The following SCAPER variants were observed in gnomAD, a reference collection of about 807,000 sequenced individuals.
The protein encoded by SCAPER is S phase cyclin A-associated protein in the endoplasmic reticulum.
In SCAPER, 98 loss-of-function variants were observed where a neutral mutation model predicts 182.2. The ratio of observed to expected loss-of-function variants is 0.54; its 90% CI spans 0.46 to 0.64. SCAPER has a LOEUF of 0.64. Ranked by LOEUF, SCAPER falls within the 30% of genes least tolerant of loss-of-function variation. The pLI is 0.00. For synonymous variants in SCAPER, 605 were observed against 564.6 expected, an observed-to-expected ratio of 1.07 and a Z score of -1.01; for missense variants, 1,432 against 1,690.0, an observed-to-expected ratio of 0.85 and a Z score of 2.68.
intron 25 of SCAPER, among the ~76,000 whole-genome samples, chr15:76,460,121 T>C (rs2049047002): frequency 6.6e-6 from 1 of 152,022 alleles, no homozygotes; most frequent in African/African-American, 2.4e-5. Flanking sequence ...ATGAAATTGG[T>C]GTTTTGATAG....
chr15:76,483,933 G>A (rs1206196356), intron 24 of SCAPER, among the ~76,000 whole-genome samples: 1 of 152,066 alleles, frequency 6.6e-6, no homozygotes, highest in Non-Finnish European at 1.5e-5. Context: ...AAGACAGTTT[G>A]GTAGTTCTTT....
intron 14 of SCAPER, among the ~76,000 whole-genome samples, chr15:76,761,637 G>A (rs145867140): frequency 4.6e-5 from 7 of 152,022 alleles, no homozygotes; most frequent in African/African-American, 9.6e-5. Flanking sequence ...ATTCCACTGC[G>A]GTCTAAAAGA....
chr15:76,790,652 A>G (rs2064943711), intron 8 of SCAPER, among the ~76,000 whole-genome samples: 1 of 152,094 alleles, frequency 6.6e-6, no homozygotes, highest in Non-Finnish European at 1.5e-5. Context: ...GATTCCTGCT[A>G]TTACTCCTTG....
chr15:76,607,696 C>A (rs1388994120), intron 22 of SCAPER, among the ~76,000 whole-genome samples: 3 of 152,212 alleles, frequency 2.0e-5, no homozygotes, highest in Non-Finnish European at 4.4e-5. Context: ...TCCCATATTT[C>A]TTGGAAGCTT....
In SCAPER at chr15:76,354,236, T is replaced by C; in HGVS notation, c.3856-96A>G. On this transcript the variant is annotated intron_variant, in intron 29 of 31. Coordinates refer to ENST00000563290, the MANE Select transcript of SCAPER (RefSeq NM_020843.4). The surrounding 1 kb of genome is among the most constrained non-coding windows in gnomAD (Gnocchi z 4.4). ...TCGGCTAGTACCATGGAAAACATGC[T>C]GAAGGAGTGTAAAGAAAAAGACTCC... 3.5e-6 allele frequency: 4 copies of C among 1,145,704 alleles called. No homozygotes were observed. The highest frequency in any genetic ancestry group is 3.6e-6 in the Non-Finnish European group (3 of 828,956). The allele number at this position is 1,145,704 out of a possible 1,614,324, so 71.0% of individuals were successfully genotyped here.
chr15:76,903,248 C>T (rs1305609823), intron 1 of SCAPER, among the ~76,000 whole-genome samples: 1 of 152,142 alleles, frequency 6.6e-6, no homozygotes, highest in Non-Finnish European at 1.5e-5. Flanking sequence ...ATACTATATC[C>T]TTTGGACCAG....
chr15:76,627,299 T>C (rs750304528), intron 21 of SCAPER, among the ~76,000 whole-genome samples: 16 of 152,212 alleles, frequency 1.1e-4, no homozygotes, highest in Non-Finnish European at 1.9e-4. Context: ...AAAAATAGTA[T>C]ATTGTAAGTG....
chr15:76,829,902 G>A (rs2068306453), intron 5 of SCAPER, among the ~76,000 whole-genome samples: 2 of 152,122 alleles, frequency 1.3e-5, no homozygotes, highest in Admixed American at 1.3e-4. Context: ...TAGAAAGGGA[G>A]ACAGATATTA....
chr15:76,438,169 C>G (rs1027151633), intron 25 of SCAPER, among the ~76,000 whole-genome samples: 2 of 151,634 alleles, frequency 1.3e-5, no homozygotes, highest in African/African-American at 4.8e-5. Flanking sequence ...GTAATCCCAG[C>G]TCCTCGGGAG....
chr15:76,800,292 A>G lies in SCAPER; in HGVS notation c.567T>C (p.Asp189=). The change falls in exon 7 of 32, where the codon GAT becomes GAC. Residue 189 remains aspartate (D), a synonymous_variant. Coordinates refer to ENST00000563290, the MANE Select transcript of SCAPER (RefSeq NM_020843.4). ...GRHVIPSPST[D]RINVTSNARR... is the part of the protein sequence containing the mutation. Reference sequence around the variant, plus strand: ...GAGCATTTGATGTTACATTTATTCTATCTGTTGATGGACTTGGAATCACAT... The same window carrying G: ...GAGCATTTGATGTTACATTTATTCTGTCTGTTGATGGACTTGGAATCACAT... The G allele has an allele frequency of 6.2e-6, 10 of 1,613,394 alleles. No homozygotes were observed. The highest frequency in any genetic ancestry group is 8.5e-6 in the Non-Finnish European group (10 of 1,179,676).
intron 2 of SCAPER, among the ~76,000 whole-genome samples, chr15:76,875,823 G>A (rs942003431): frequency 6.6e-6 from 1 of 152,212 alleles, no homozygotes; most frequent in Non-Finnish European, 1.5e-5. Flanking sequence ...AGGCAGTGTG[G>A]ACCCAAAGAG....
intron 26 of SCAPER, among the ~76,000 whole-genome samples, chr15:76,431,676 CAAAAAAAAAAAAAAA>C (rs60675828): frequency 1.1e-4 from 5 of 47,128 alleles, no homozygotes; most frequent in African/African-American, 4.9e-4. Context: ...AAATGATTAG[CAAAAAAAAAAAAAAA>C]AAAAAAAAAA....
At chr15:76,637,782 GTGTGTGTGTGT>G (rs2053760454) in intron 21 of SCAPER, among the ~76,000 whole-genome samples, 1 of 136,188 alleles carries the variant, frequency 7.3e-6, no homozygotes, top group South Asian at 2.2e-4. Context: ...GTGTGTGTGT[GTGTGTGTGTGT>G]GTGTGTATGT....
At chr15:76,449,984 TC>T (rs1475609216) in intron 25 of SCAPER, among the ~76,000 whole-genome samples, 6 of 152,294 alleles carry the variant, frequency 3.9e-5, no homozygotes, top group Admixed American at 1.3e-4. Context: ...GGTTATACAG[TC>T]TCCATCACAA....
At chr15:76,823,353 G>A (rs1321114560) in intron 5 of SCAPER, among the ~76,000 whole-genome samples, 3 of 151,986 alleles carry the variant, frequency 2.0e-5, no homozygotes, top group South Asian at 2.1e-4. Context: ...CCAGCTACTC[G>A]GGAGGCTAAG....
At chr15:76,572,911 T>TCACA (rs67724539) in intron 23 of SCAPER, among the ~76,000 whole-genome samples, 2,277 of 108,958 alleles carry the variant, frequency 0.021, 28 homozygotes, top group South Asian at 0.052. Flanking sequence ...TCTCTCTCTC[T>TCACA]CTCTCTCTCA....
At chr15:76,427,144 C>A (rs1476202782) in intron 26 of SCAPER, among the ~76,000 whole-genome samples, 1 of 152,122 alleles carries the variant, frequency 6.6e-6, no homozygotes, top group Non-Finnish European at 1.5e-5. Context: ...AAATGTTTCA[C>A]AGATTGAGTC....
At chr15:76,554,598 C>A (rs2046042528) in intron 23 of SCAPER, among the ~76,000 whole-genome samples, 1 of 151,604 alleles carries the variant, frequency 6.6e-6, no homozygotes, top group Non-Finnish European at 1.5e-5. Context: ...TAAGTTCTTT[C>A]TACTTATCAT....
chr15:76,592,952 T>C (rs2049234252), intron 22 of SCAPER, among the ~76,000 whole-genome samples: 1 of 108,582 alleles, frequency 9.2e-6, no homozygotes, highest in Admixed American at 1.1e-4. Context: ...CAGTGGCACC[T>C]GGAACACCAC....
Sources: allele counts gnomAD v4.1 joint callset (sites outside exome capture counted in the v4.1 genomes callset), GRCh38; gene constraint gnomAD v4.1.1; non-coding constraint Gnocchi (gnomAD v3.1); transcripts MANE v1.5; gene names NCBI Gene and HGNC (gene_info 2026-07-23, HGNC 2026-07-21).